GSE1: variants seen among roughly 807,000 people sequenced by gnomAD.
The protein encoded by GSE1 is genetic suppressor element 1.
In GSE1, 32 loss-of-function variants were observed where a neutral mutation model predicts 112.6. The observed-to-expected ratio is 0.28, with a 90% confidence interval of 0.21 to 0.38. The LOEUF is 0.38. GSE1 is among the 10% of genes least tolerant of loss of function. GSE1 has a pLI of 1.00. For missense variants in GSE1, 2,348 were observed against 1,699.2 expected, an observed-to-expected ratio of 1.38 and a Z score of -6.71; for synonymous variants, 1,115 against 735.6, an observed-to-expected ratio of 1.52 and a Z score of -8.35.
At chr16:85,632,817 C>T (rs1353165649) in intron 1 of GSE1, among the ~76,000 whole-genome samples, 3 of 152,170 alleles carry the variant, frequency 2.0e-5, no homozygotes, top group Non-Finnish European at 2.9e-5. Flanking sequence ...GAAGCCGGGA[C>T]CCTGTCTGTG....
intron 2 of GSE1, among the ~76,000 whole-genome samples, chr16:85,417,853 C>A (rs546739054): frequency 6.6e-6 from 1 of 152,114 alleles, no homozygotes; most frequent in Non-Finnish European, 1.5e-5. Flanking sequence ...TTTTCTTTTT[C>A]TTTTGAGATG....
intron 1 of GSE1, among the ~76,000 whole-genome samples, chr16:85,578,069 G>T (rs1018708585): frequency 3.9e-5 from 6 of 152,228 alleles, no homozygotes; most frequent in Non-Finnish European, 8.8e-5. Flanking sequence ...CTGCTGAAAG[G>T]CCTGCAGTTC....
exon 1 of GSE1, chr16:85,169,966 A>G: frequency 1.0e-6 from 1 of 984,370 alleles, no homozygotes; most frequent in Non-Finnish European, 1.2e-6. Context: ...GGGCAGCGCC[A>G]CCGGCGACGA....
intron 1 of GSE1, among the ~76,000 whole-genome samples, chr16:85,560,303 T>G (rs1477246024): frequency 6.6e-6 from 1 of 151,806 alleles, no homozygotes; most frequent in Non-Finnish European, 1.5e-5. Flanking sequence ...GCCCAAGTAA[T>G]TTTTTGTATT....
At chr16:85,563,653 C>A (rs2045620535) in intron 1 of GSE1, among the ~76,000 whole-genome samples, 1 of 152,250 alleles carries the variant, frequency 6.6e-6, no homozygotes, top group Admixed American at 6.5e-5. Context: ...CTGCTCCCTC[C>A]CACAGTGAGA....
At chr16:85,537,668 C>G (rs1567569899) in intron 2 of GSE1, among the ~76,000 whole-genome samples, 1 of 152,230 alleles carries the variant, frequency 6.6e-6, no homozygotes. Context: ...TCGTACCTGG[C>G]CACTGACTTG....
chr16:85,562,836 G>T (rs1325458096), intron 1 of GSE1, among the ~76,000 whole-genome samples: 1 of 152,248 alleles, frequency 6.6e-6, no homozygotes, highest in African/African-American at 2.4e-5. Flanking sequence ...GACCTCGCAG[G>T]CCTGTTGACT....
chr16:85,217,905 T>G (rs115626540), intron 1 of GSE1, among the ~76,000 whole-genome samples: 1 of 152,022 alleles, frequency 6.6e-6, no homozygotes, highest in African/African-American at 2.4e-5. Context: ...AATTTATTTT[T>G]TATATATATT....
intron 11 of GSE1, among the ~76,000 whole-genome samples, chr16:85,664,212 A>C (rs1213067278): frequency 6.6e-6 from 1 of 152,250 alleles, no homozygotes; most frequent in African/African-American, 2.4e-5. Flanking sequence ...CCTGCAGCGC[A>C]GGCTGGCTTG....
In GSE1 at chr16:85,370,490, T is replaced by TG. The variant is rs751418905; in HGVS notation, c.2464+12848dup. On this transcript the variant is annotated intron_variant, in intron 2 of 2. Coordinates refer to the GSE1 transcript ENST00000637419. ...GGCTCCAGGGAGGAGGCGCACTACT[T>TG]GAACTGGGCACCCAGACCCTAGGAG... Among the ~76,000 whole-genome samples, 254 of 152,262 alleles carry TG rather than the reference T, an allele frequency of 1.7e-3. 1 individual carries two copies. The highest frequency in any genetic ancestry group is 2.0e-3 in the Non-Finnish European group (133 of 68,004).
chr16:85,663,262 G>T, intron 10 of GSE1, 82 bp from the exon 11 acceptor site: 1 of 1,488,860 alleles, frequency 6.7e-7, no homozygotes, highest in South Asian at 1.2e-5. Context: ...ACACTTCGAG[G>T]ACCCCAGGAG....
chr16:85,233,124 C>A (rs1439600645), intron 1 of GSE1, among the ~76,000 whole-genome samples: 1 of 152,272 alleles, frequency 6.6e-6, no homozygotes, highest in South Asian at 2.1e-4. Flanking sequence ...GAATGAAATG[C>A]AGAGGCAGCT....
At chr16:85,298,214 T>C (rs1002385602) in intron 1 of GSE1, among the ~76,000 whole-genome samples, 6 of 152,172 alleles carry the variant, frequency 3.9e-5, no homozygotes, top group African/African-American at 1.4e-4. Flanking sequence ...GCAATGCTGC[T>C]GTTGGTGCAG....
At chr16:85,549,366 G>A (rs143991308) in intron 2 of GSE1, among the ~76,000 whole-genome samples, 3 of 152,022 alleles carry the variant, frequency 2.0e-5, no homozygotes, top group Non-Finnish European at 2.9e-5. Flanking sequence ...TTGTAGCGAC[G>A]GAGTCCCACT....
intron 2 of GSE1, among the ~76,000 whole-genome samples, chr16:85,548,652 G>A (rs193143544): frequency 1.6e-4 from 24 of 152,300 alleles, no homozygotes; most frequent in African/African-American, 5.5e-4. Flanking sequence ...GTCCGTGTTG[G>A]ACACCGAGGT....
chr16:85,635,448 C>T (rs573020930), intron 2 of GSE1, among the ~76,000 whole-genome samples: 3 of 152,336 alleles, frequency 2.0e-5, no homozygotes, highest in Admixed American at 2.0e-4. Flanking sequence ...GGCCGGACAG[C>T]TGCAGGCAAG....
chr16:85,514,797 A>G (rs988157937), intron 2 of GSE1, among the ~76,000 whole-genome samples: 4 of 152,088 alleles, frequency 2.6e-5, no homozygotes, highest in Admixed American at 2.6e-4. Context: ...GAGGTTCCTG[A>G]GCCCCCAATA....
chr16:85,646,394 T>A (rs1167760703), intron 2 of GSE1, among the ~76,000 whole-genome samples: 1 of 152,256 alleles, frequency 6.6e-6, no homozygotes, highest in Non-Finnish European at 1.5e-5. Flanking sequence ...CTTGCACAGC[T>A]GCTGTGACAC....
intron 3 of GSE1, among the ~76,000 whole-genome samples, 179 bp from the exon 4 acceptor site, chr16:85,654,099 T>TA (rs1350531327): frequency 1.3e-5 from 2 of 152,146 alleles, no homozygotes; most frequent in African/African-American, 2.4e-5. Context: ...TCCCCTTTCT[T>TA]ACGGTTCTGC....
Sources: allele counts gnomAD v4.1 joint callset (sites outside exome capture counted in the v4.1 genomes callset), GRCh38; gene constraint gnomAD v4.1.1; transcripts MANE v1.5; gene names NCBI Gene and HGNC (gene_info 2026-07-23, HGNC 2026-07-21).